SMARCA2: variants seen among roughly 807,000 people sequenced by gnomAD.
SMARCA2 encodes SWI/SNF related BAF chromatin remodeling complex subunit ATPase 2, also known as SWI/SNF-related matrix-associated actin-dependent regulator of chromatin subfamily A member 2.
SMARCA2 carries 61 observed loss-of-function variants against 199.8 expected under a neutral mutation model. That is an observed-to-expected ratio of 0.31 (90% CI 0.25 to 0.38). The LOEUF is 0.38. Among genes scored for constraint, SMARCA2 ranks in the 10% least tolerant of loss-of-function variants. SMARCA2 has a pLI of 1.00. For synonymous variants in SMARCA2, 935 were observed against 732.0 expected (o/e 1.28, Z -4.48); for missense variants, 1,344 against 2,012.2 (o/e 0.67, Z 6.35).
At chr9:2,143,574 C>A (rs1824569701) in intron 27 of SMARCA2, among the ~76,000 whole-genome samples, 1 of 152,072 alleles carries the variant, frequency 6.6e-6, no homozygotes, top group Non-Finnish European at 1.5e-5. Context: ...GCAGGGAGAC[C>A]AGGGGGAAAA....
chr9:2,159,120 T>G, intron 27 of SMARCA2: 1 of 1,061,452 alleles, frequency 9.4e-7, no homozygotes, highest in African/African-American at 1.6e-5. Context: ...CTCACAGATT[T>G]AGAGATTTAA....
intron 32 of SMARCA2, among the ~76,000 whole-genome samples, chr9:2,190,180 C>T (rs1459535746): frequency 6.6e-6 from 1 of 152,152 alleles, no homozygotes; most frequent in Admixed American, 6.6e-5. Context: ...CCATTGGTAT[C>T]CCCAGAATAG....
intron 27 of SMARCA2, among the ~76,000 whole-genome samples, chr9:2,132,152 C>T (rs1823989598): frequency 6.6e-6 from 1 of 151,978 alleles, no homozygotes; most frequent in South Asian, 2.1e-4. Flanking sequence ...GAATTAGTCA[C>T]AAAAAACTGG....
At chr9:2,136,728 G>C (rs1280717566) in intron 27 of SMARCA2, among the ~76,000 whole-genome samples, 1 of 152,122 alleles carries the variant, frequency 6.6e-6, no homozygotes, top group African/African-American at 2.4e-5. Context: ...TGCACAGTTA[G>C]CCACCTTGAA....
At position 2,161,931 on chromosome 9, in the gene SMARCA2, C is replaced by T. The variant is rs754602613; in HGVS notation, c.4199+28C>T. 2 of 1,577,942 alleles carry T rather than the reference C, an allele frequency of 1.3e-6. No individual in the cohort carries two copies. Among genetic ancestry groups the T allele is most frequent in the Non-Finnish European group, 1.7e-6 (2 of 1,149,224 alleles). ...GAGTGTTTGGTTCCTTCACCTTGATCATCTCTCACCAAGACGCCGAGTGGC... is the reference window on the plus strand; with the variant it reads ...GAGTGTTTGGTTCCTTCACCTTGATTATCTCTCACCAAGACGCCGAGTGGC... On this transcript the variant is annotated intron_variant, in intron 28 of 33. Transcript: ENST00000349721. The surrounding 1 kb of genome is among the most constrained non-coding windows in gnomAD (Gnocchi z 4.7).
At chr9:2,040,092 G>A in intron 4 of SMARCA2, 192 bp downstream of exon 4, 2 of 1,146,842 alleles carry the variant, frequency 1.7e-6, no homozygotes, top group Non-Finnish European at 2.4e-6. Context: ...ACCTAGGGCA[G>A]TGTTTCTTAA....
chr9:2,070,357 C>A (rs1002569873), intron 9 of SMARCA2, 61 bp from the exon 10 acceptor site: 5 of 1,367,898 alleles, frequency 3.7e-6, no homozygotes, highest in East Asian at 4.6e-5. Flanking sequence ...GGAGAGTTAC[C>A]AGGAAGTCCT....
intron 33 of SMARCA2, 62 bp downstream of exon 33, chr9:2,191,470 G>A: frequency 1.3e-6 from 2 of 1,566,040 alleles, no homozygotes; most frequent in Non-Finnish European, 1.8e-6. Flanking sequence ...CTGGCCTCTT[G>A]CATTTCCATG....
rs1180021656 is a variant in SMARCA2 at position 2,086,750 on chromosome 9, C to T, written c.2527-79C>T. 6.5e-7 allele frequency: 1 copy of T among 1,536,768 alleles called. No homozygotes were observed. Among genetic ancestry groups the T allele is most frequent in the East Asian group, 2.2e-5 (1 of 44,500 alleles). On this transcript the variant is annotated intron_variant, in intron 17 of 33. Coordinates refer to ENST00000349721, the MANE Select transcript of SMARCA2 (RefSeq NM_003070.5). The surrounding 1 kb of genome is among the most constrained non-coding windows in gnomAD (Gnocchi z 4.3). ...TACCAAGGATGGGTTCTTTGGTTTT[C>T]CGCACCACCACTTGCTTGTTGGAAA...
At chr9:2,042,031 G>A (rs1819628177) in intron 4 of SMARCA2, 1 of 152,010 alleles carries the variant, frequency 6.6e-6, no homozygotes, top group Non-Finnish European at 1.5e-5. Context: ...GCTCCTTCAT[G>A]GCAAAAAGGC....
chr9:2,100,130 C>T (rs759099915), intron 21 of SMARCA2, among the ~76,000 whole-genome samples: 4 of 152,174 alleles, frequency 2.6e-5, no homozygotes, highest in Non-Finnish European at 5.9e-5. Flanking sequence ...GGGAGACAGC[C>T]GGTGGCTGAT....
At chr9:2,141,780 T>C (rs1438939422) in intron 27 of SMARCA2, among the ~76,000 whole-genome samples, 1 of 152,244 alleles carries the variant, frequency 6.6e-6, no homozygotes, top group Admixed American at 6.5e-5. Context: ...AAAAAAACTA[T>C]AGGACTATGG....
rs1376851750 is a variant in SMARCA2 at position 2,170,208 on chromosome 9, A to G, written c.4200-211A>G. On this transcript the variant is annotated intron_variant, in intron 28 of 33. Coordinates refer to ENST00000349721, the MANE Select transcript of SMARCA2 (RefSeq NM_003070.5). The surrounding 1 kb of genome is among the most constrained non-coding windows in gnomAD (Gnocchi z 4.7). ...TGACGGAAGTAGGAAAATCCCAGAA[A>G]GGTTAGGAAATCCACTTCCCCCACC... 6.6e-6 allele frequency among the ~76,000 whole-genome samples: 1 copy of G among 152,130 alleles called. No individual in the cohort carries two copies. Among genetic ancestry groups the G allele is most frequent in the Non-Finnish European group, 1.5e-5 (1 of 68,032 alleles).
At chr9:2,102,870 C>T (rs1822585371) in intron 22 of SMARCA2, among the ~76,000 whole-genome samples, 3 of 151,992 alleles carry the variant, frequency 2.0e-5, no homozygotes, top group African/African-American at 7.3e-5. Flanking sequence ...GCTCATAGAG[C>T]CCTAAAGAGT....
chr9:2,178,171 G>A (rs1391973961), intron 29 of SMARCA2, among the ~76,000 whole-genome samples: 1 of 152,068 alleles, frequency 6.6e-6, no homozygotes, highest in Non-Finnish European at 1.5e-5. Context: ...TGGCCACGTC[G>A]CGGTGTCTGT....
rs1410180217 is a variant in SMARCA2 at position 2,086,580 on chromosome 9, T to C, written c.2527-249T>C. Among the ~76,000 whole-genome samples, 1 of 152,226 alleles carries C rather than the reference T, an allele frequency of 6.6e-6. No homozygotes were observed. Among genetic ancestry groups the C allele is most frequent in the Non-Finnish European group, 1.5e-5 (1 of 68,018 alleles). ...CATTCTGGACCCAAATTTCCTTCTT[T>C]GTAAAAAGTTGATTTGGAATTACGT... is the stretch of plus-strand genomic sequence containing the variant. On this transcript the variant is annotated intron_variant, in intron 17 of 33. Transcript: ENST00000349721. This position sits in a 1 kb window ranked among gnomAD's most constrained non-coding sequence, Gnocchi z 4.3.
chr9:2,076,337 C>T lies in SMARCA2; in HGVS notation c.2036+8C>T. The T allele has an allele frequency of 3.4e-6, 5 of 1,488,250 alleles. No homozygotes were observed. The highest frequency in any genetic ancestry group is 4.7e-6 in the Non-Finnish European group (5 of 1,067,472). 92.2% of individuals were successfully genotyped at this position (1,488,250 alleles called of 1,614,324 possible). A position where few individuals can be genotyped will look rare whatever the true frequency, so the allele number is the denominator to read the frequency against. ...TGCTAAGCAGATCATTGAGTATGTACTGCATTTTTCCCTTGGAAATGCATT... is the reference window on the plus strand; with the variant it reads ...TGCTAAGCAGATCATTGAGTATGTATTGCATTTTTCCCTTGGAAATGCATT... On this transcript the variant is annotated splice_region_variant and intron_variant, in intron 13 of 33. Coordinates refer to ENST00000349721, the MANE Select transcript of SMARCA2 (RefSeq NM_003070.5).
At chr9:2,185,849 T>A (rs541995211) in intron 31 of SMARCA2, among the ~76,000 whole-genome samples, 2 of 152,366 alleles carry the variant, frequency 1.3e-5, no homozygotes, top group East Asian at 3.9e-4. Context: ...ATATTTTATC[T>A]ACTATTCTCC....
chr9:2,086,738 T>G lies in SMARCA2; in HGVS notation c.2527-91T>G. 1.4e-6 allele frequency: 2 copies of G among 1,400,704 alleles called. No homozygotes were observed. Among genetic ancestry groups the G allele is most frequent in the Non-Finnish European group, 2.0e-6 (2 of 1,008,034 alleles). 86.8% of individuals were successfully genotyped at this position (1,400,704 alleles called of 1,614,324 possible). A position where few individuals can be genotyped will look rare whatever the true frequency, so the allele number is the denominator to read the frequency against. On this transcript the variant is annotated intron_variant, in intron 17 of 33. Coordinates refer to ENST00000349721, the MANE Select transcript of SMARCA2 (RefSeq NM_003070.5). This position sits in a 1 kb window ranked among gnomAD's most constrained non-coding sequence, Gnocchi z 4.3. ...CAGCATATCATATACCAAGGATGGG[T>G]TCTTTGGTTTTCCGCACCACCACTT...
Sources: allele counts gnomAD v4.1 joint callset (sites outside exome capture counted in the v4.1 genomes callset), GRCh38; gene constraint gnomAD v4.1.1; non-coding constraint Gnocchi (gnomAD v3.1); transcripts MANE v1.5; gene names NCBI Gene and HGNC (gene_info 2026-07-23, HGNC 2026-07-21).